Variants in GADL1 observed in about 807,000 individuals in gnomAD.
GADL1 encodes the protein GAD like acidic amino acid decarboxylase 1.
A neutral mutation model predicts 69.5 loss-of-function variants in GADL1; 71 were observed. The ratio of observed to expected loss-of-function variants is 1.02; its 90% CI spans 0.84 to 1.25. GADL1 has a LOEUF of 1.25. Ranked by LOEUF, GADL1 falls within the 50% of genes most tolerant of loss-of-function variation. GADL1 has a pLI of 0.00. For synonymous variants in GADL1, 254 were observed against 214.4 expected (o/e 1.18, Z -1.62); for missense variants, 737 against 631.8 (o/e 1.17, Z -1.79).
chr3:30,835,347 A>G (rs1697856964), intron 9 of GADL1, among the ~76,000 whole-genome samples: 1 of 152,110 alleles, frequency 6.6e-6, no homozygotes, highest in Non-Finnish European at 1.5e-5. Flanking sequence ...ATTTTTGGCT[A>G]TGGAATTTAA....
At chr3:30,823,708 T>G (rs1319943748) in intron 11 of GADL1, among the ~76,000 whole-genome samples, 1 of 151,896 alleles carries the variant, frequency 6.6e-6, no homozygotes, top group African/African-American at 2.4e-5. Flanking sequence ...AACTAGATAT[T>G]GAAGTTAACA....
chr3:30,856,974 T>C lies in GADL1; in HGVS notation c.337+41A>G, dbSNP rs199880887. 2.5e-3 allele frequency: 3,718 copies of C among 1,513,070 alleles called. 9 individuals carry two copies. The highest frequency in any genetic ancestry group is 2.9e-3 in the Non-Finnish European group (3,277 of 1,115,180). 93.7% of individuals were successfully genotyped at this position (1,513,070 alleles called of 1,614,324 possible). Reference sequence around the variant, plus strand: ...GAGAGGCTTTGCAAACATAAGAACTTGTCAGAGGTACAGATCAAGGAAGTA... The same window carrying C: ...GAGAGGCTTTGCAAACATAAGAACTCGTCAGAGGTACAGATCAAGGAAGTA... On this transcript the variant is annotated intron_variant, in intron 3 of 14. Transcript: ENST00000282538.
At chr3:30,787,612 A>G (rs1696825262) in intron 12 of GADL1, among the ~76,000 whole-genome samples, 1 of 152,166 alleles carries the variant, frequency 6.6e-6, no homozygotes, top group Non-Finnish European at 1.5e-5. Context: ...CACACCGAAC[A>G]TCAGGAATGC....
intron 1 of GADL1, among the ~76,000 whole-genome samples, chr3:30,867,908 G>C (rs1698427629): frequency 6.6e-6 from 1 of 151,994 alleles, no homozygotes; most frequent in Non-Finnish European, 1.5e-5. Context: ...GAAATTAAGG[G>C]TTGTGGTTAT....
At chr3:30,752,373 G>C (rs548952357) in intron 14 of GADL1, among the ~76,000 whole-genome samples, 1 of 152,072 alleles carries the variant, frequency 6.6e-6, no homozygotes, top group South Asian at 2.1e-4. Context: ...TATTTAAGTG[G>C]TGCACCTTGC....
At chr3:30,831,405 T>C (rs1355556960) in intron 11 of GADL1, among the ~76,000 whole-genome samples, 1 of 151,988 alleles carries the variant, frequency 6.6e-6, no homozygotes, top group Non-Finnish European at 1.5e-5. Context: ...ACTGAAGTAC[T>C]ATACTCTTCT....
chr3:30,887,653 G>C (rs539282028), intron 1 of GADL1, among the ~76,000 whole-genome samples: 1 of 152,112 alleles, frequency 6.6e-6, no homozygotes, highest in Non-Finnish European at 1.5e-5. Flanking sequence ...AAGAGACTAA[G>C]AGGCAGTCTT....
At chr3:30,862,421 T>G (rs1698333943) in intron 1 of GADL1, among the ~76,000 whole-genome samples, 1 of 151,996 alleles carries the variant, frequency 6.6e-6, no homozygotes, top group Non-Finnish European at 1.5e-5. Flanking sequence ...CATACAATAG[T>G]GGTTTTAACT....
In GADL1 at chr3:30,833,902, A is replaced by G. The variant is rs1447636376; in HGVS notation, c.1001T>C (p.Met334Thr). The part of the protein sequence containing the change: ...ADSVAWNPHK[M>T]LMAGIQCCAL... ...ACAGCACTGGATCCCAGCCATCAGCATCTTGTGTGGGTTCCAGGCCACAGA... is the reference window on the plus strand; with the variant it reads ...ACAGCACTGGATCCCAGCCATCAGCGTCTTGTGTGGGTTCCAGGCCACAGA... Residue 334 changes from methionine (M) to threonine (T), a missense_variant, in exon 11 of 15, where the codon ATG becomes ACG. Coordinates refer to ENST00000282538, the MANE Select transcript of GADL1 (RefSeq NM_207359.3). 5 of 1,612,876 alleles carry G rather than the reference A, an allele frequency of 3.1e-6. No individual in the cohort carries two copies. The highest frequency in any genetic ancestry group is 3.4e-6 in the Non-Finnish European group (4 of 1,179,224).
At chr3:30,767,458 T>C (rs188659563) in intron 14 of GADL1, among the ~76,000 whole-genome samples, 1 of 152,254 alleles carries the variant, frequency 6.6e-6, no homozygotes, top group East Asian at 1.9e-4. Flanking sequence ...ACTGAAATAG[T>C]TTTTAAAATT....
chr3:30,739,507 T>C (rs1241867994), intron 14 of GADL1, among the ~76,000 whole-genome samples: 1 of 152,220 alleles, frequency 6.6e-6, no homozygotes, highest in African/African-American at 2.4e-5. Context: ...TGAATACAGT[T>C]GTTCATTATC....
At chr3:30,885,865 C>T (rs1698697344) in intron 1 of GADL1, among the ~76,000 whole-genome samples, 1 of 151,914 alleles carries the variant, frequency 6.6e-6, no homozygotes, top group South Asian at 2.1e-4. Flanking sequence ...CTTTGTCCTC[C>T]CGAAGTACTG....
chr3:30,770,610 G>T (rs1188700745), intron 14 of GADL1, among the ~76,000 whole-genome samples: 1 of 152,086 alleles, frequency 6.6e-6, no homozygotes, highest in Non-Finnish European at 1.5e-5. Flanking sequence ...GCTGTGGGTG[G>T]CCACTCCCAC....
chr3:30,735,125 G>A (rs1407673714), intron 14 of GADL1, among the ~76,000 whole-genome samples: 1 of 152,104 alleles, frequency 6.6e-6, no homozygotes, highest in Non-Finnish European at 1.5e-5. Flanking sequence ...CAAGGGTGCT[G>A]CCCTTTTTGA....
At chr3:30,728,762 G>C (rs1324678850) in intron 14 of GADL1, among the ~76,000 whole-genome samples, 1 of 151,956 alleles carries the variant, frequency 6.6e-6, no homozygotes, top group Non-Finnish European at 1.5e-5. Context: ...ATTATTCAAT[G>C]CTGCCTCATT....
At chr3:30,810,124 G>A (rs973160269) in intron 11 of GADL1, among the ~76,000 whole-genome samples, 5 of 151,962 alleles carry the variant, frequency 3.3e-5, no homozygotes, top group Non-Finnish European at 5.9e-5. Context: ...TCCTTTCCTC[G>A]AGTTTATTTT....
At chr3:30,853,247 A>G (rs1360861362) in intron 4 of GADL1, among the ~76,000 whole-genome samples, 1 of 152,092 alleles carries the variant, frequency 6.6e-6, no homozygotes, top group Non-Finnish European at 1.5e-5. Flanking sequence ...CATTGAAATC[A>G]CTTGTTGAAC....
chr3:30,875,229 G>C (rs1212311612), intron 1 of GADL1, among the ~76,000 whole-genome samples: 1 of 146,088 alleles, frequency 6.8e-6, no homozygotes, highest in African/African-American at 2.6e-5. Flanking sequence ...AAAAAAAAAA[G>C]CTCACCTCTT....
chr3:30,750,864 CT>C (rs1559486425), intron 14 of GADL1, among the ~76,000 whole-genome samples: 2 of 152,188 alleles, frequency 1.3e-5, no homozygotes, highest in Admixed American at 1.3e-4. Flanking sequence ...ACATTAGTCT[CT>C]GGTGGATCCT....
Sources: gnomAD v4.1 joint callset for allele counts (sites outside exome capture counted in the v4.1 genomes callset) on GRCh38, gnomAD v4.1.1 for gene constraint, MANE v1.5 for transcripts, NCBI Gene and HGNC (gene_info 2026-07-23, HGNC 2026-07-21) for gene names.